Variants in PAK3 observed in about 807,000 individuals in gnomAD.
PAK3 encodes p21 (RAC1) activated kinase 3, also known as serine/threonine-protein kinase PAK 3.
PAK3 carries 4 observed loss-of-function variants against 41.0 expected under a neutral mutation model. The observed-to-expected ratio is 0.10, with a 90% CI of 0.05 to 0.22. PAK3 has a LOEUF of 0.22. Among genes scored for constraint, PAK3 ranks in the 10% least tolerant of loss-of-function variants. PAK3 has a pLI of 1.00. For synonymous variants in PAK3, 146 were observed against 139.6 expected, an observed-to-expected ratio of 1.05 and a Z score of -0.32; for missense variants, 205 against 409.9, an observed-to-expected ratio of 0.50 and a Z score of 4.32.
rs763717339 is a variant in PAK3, at chrX:111,172,954, T to TTC, written c.767-44_767-43dup. The TTC allele has an allele frequency of 7.2e-4, 420 of 580,509 alleles. 1 individual carries two copies. Among genetic ancestry groups the TTC allele is most frequent in the African/African-American group, 1.9e-3 (84 of 43,502 alleles). 47.8% of individuals were successfully genotyped at this position (580,509 alleles called of 1,213,427 possible). ...TAAAAAACAGTCAATCAATTTCTAT[T>TTC]TCTCTCTCTCTCTCTCTCTCTTCCA... On this transcript the variant is annotated intron_variant, in intron 10 of 17. Transcript: ENST00000372007.
chrX:111,123,184 A>C lies in PAK3; in HGVS notation c.81A>C (p.Ala27=). The C allele has an allele frequency of 8.3e-7, 1 of 1,202,185 alleles. No individual in the cohort carries two copies. Among genetic ancestry groups the C allele is most frequent in the Non-Finnish European group, 1.1e-6 (1 of 886,598 alleles). Reference sequence around the variant, plus strand: ...ATAGTAACAACCGGGATTCTTCAGCACTCAACCACAGCTCCAAACCACTTC... The same window carrying C: ...ATAGTAACAACCGGGATTCTTCAGCCCTCAACCACAGCTCCAAACCACTTC... ...RMNSNNRDSS[A]LNHSSKPLPM... The change falls in exon 5 of 18, where the codon GCA becomes GCC. Residue 27 remains alanine, a synonymous_variant. Transcript: ENST00000372007.
intron 1 of PAK3, among the ~76,000 whole-genome samples, chrX:111,039,481 G>A (rs766090472): frequency 9.0e-6 from 1 of 111,706 alleles, no homozygotes; most frequent in Admixed American, 9.5e-5. Flanking sequence ...TTTGGGCAGA[G>A]AATAGCATCC....
intron 1 of PAK3, among the ~76,000 whole-genome samples, chrX:111,064,619 C>G (rs2092686644): frequency 8.9e-6 from 1 of 112,206 alleles, no homozygotes; most frequent in Admixed American, 9.4e-5. Flanking sequence ...CTGCAAAGGA[C>G]ATGATTTCAT....
At chrX:111,034,773 C>T (rs2092376475) in intron 1 of PAK3, among the ~76,000 whole-genome samples, 1 of 110,994 alleles carries the variant, frequency 9.0e-6, no homozygotes, top group Non-Finnish European at 1.9e-5. Context: ...TTAGGCAAGT[C>T]TACTCTTCTC....
intron 1 of PAK3, among the ~76,000 whole-genome samples, chrX:110,982,239 GA>G (rs2091461020): frequency 9.0e-6 from 1 of 111,581 alleles, no homozygotes; most frequent in Non-Finnish European, 1.9e-5. Context: ...AAAATAGAAC[GA>G]TATATTTGAG....
chrX:111,171,588 G>C (rs1429111518), intron 10 of PAK3, among the ~76,000 whole-genome samples: 1 of 111,390 alleles, frequency 9.0e-6, no homozygotes, highest in Non-Finnish European at 1.9e-5. Context: ...TATTTTTAAA[G>C]AGCCAAACAT....
intron 1 of PAK3, among the ~76,000 whole-genome samples, chrX:111,022,781 T>C (rs1011371427): frequency 9.9e-5 from 11 of 111,393 alleles, no homozygotes; most frequent in African/African-American, 3.6e-4. Flanking sequence ...GTTTCTGCTG[T>C]CTTCAGGAGA....
chrX:111,087,372 T>C (rs756695120), intron 1 of PAK3, among the ~76,000 whole-genome samples: 1 of 108,833 alleles, frequency 9.2e-6, no homozygotes, highest in South Asian at 4.1e-4. Flanking sequence ...CAAGTGGTCG[T>C]ATCAAGTGAA....
At chrX:111,172,028 A>G (rs972295454) in intron 10 of PAK3, among the ~76,000 whole-genome samples, 7 of 111,935 alleles carry the variant, frequency 6.3e-5, no homozygotes, top group Non-Finnish European at 1.1e-4. Context: ...TTAGCACTGT[A>G]CTAGGTACAT....
At chrX:111,042,509 G>A (rs2092461366) in intron 1 of PAK3, among the ~76,000 whole-genome samples, 1 of 111,517 alleles carries the variant, frequency 9.0e-6, no homozygotes, top group Non-Finnish European at 1.9e-5. Flanking sequence ...CCTGTACCAC[G>A]GCACAGGCTA....
intron 5 of PAK3, among the ~76,000 whole-genome samples, chrX:111,133,566 A>G (rs945620398): frequency 8.9e-6 from 1 of 112,137 alleles, no homozygotes; most frequent in African/African-American, 3.2e-5. Context: ...ACCTGTCACT[A>G]CAGTGATCCA....
At chrX:110,996,755 T>A (rs190468528) in intron 1 of PAK3, among the ~76,000 whole-genome samples, 80 of 111,637 alleles carry the variant, frequency 7.2e-4, no homozygotes, top group African/African-American at 2.3e-3. Context: ...GGCCTCAGAA[T>A]GAAACTTACC....
At chrX:111,190,121 T>G (rs1052739231) in intron 11 of PAK3, among the ~76,000 whole-genome samples, 2 of 111,607 alleles carry the variant, frequency 1.8e-5, no homozygotes, top group Non-Finnish European at 3.8e-5. Context: ...ATTTCTAGAA[T>G]TATCAAATCC....
intron 11 of PAK3, among the ~76,000 whole-genome samples, chrX:111,186,513 A>G (rs1048563307): frequency 1.8e-4 from 20 of 111,864 alleles, no homozygotes; most frequent in South Asian, 3.8e-4. Context: ...GAGCCAAATC[A>G]TGAGTGAACT....
intron 1 of PAK3, among the ~76,000 whole-genome samples, chrX:110,998,266 A>C (rs1392470271): frequency 8.9e-6 from 1 of 111,997 alleles, no homozygotes; most frequent in Non-Finnish European, 1.9e-5. Flanking sequence ...GTTGAAGTGC[A>C]ACAAGCAAAG....
intron 1 of PAK3, among the ~76,000 whole-genome samples, chrX:111,039,812 T>G (rs1322827375): frequency 1.8e-5 from 2 of 108,542 alleles, no homozygotes; most frequent in African/African-American, 6.7e-5. Context: ...TGTGAGCACA[T>G]AGGTGAAGGA....
chrX:110,945,794 A>G (rs1872257870), intron 1 of PAK3, among the ~76,000 whole-genome samples: 1 of 111,693 alleles, frequency 9.0e-6, no homozygotes, highest in African/African-American at 3.3e-5. Flanking sequence ...TCAAAGAAAG[A>G]AGAGGTCAAT....
At chrX:111,064,351 A>G (rs1365798346) in intron 1 of PAK3, among the ~76,000 whole-genome samples, 2 of 110,435 alleles carry the variant, frequency 1.8e-5, no homozygotes, top group Non-Finnish European at 3.8e-5. Context: ...TTATCTGGGT[A>G]TATTCTGTGA....
chrX:111,215,623 T>A (rs777003021), intron 16 of PAK3, among the ~76,000 whole-genome samples: 12 of 112,326 alleles, frequency 1.1e-4, no homozygotes, highest in African/African-American at 3.9e-4. Context: ...ACTAGAGACA[T>A]TGATTCTCTC....
Sources: allele counts gnomAD v4.1 joint callset (sites outside exome capture counted in the v4.1 genomes callset), GRCh38; gene constraint gnomAD v4.1.1; transcripts MANE v1.5; gene names NCBI Gene and HGNC (gene_info 2026-07-23, HGNC 2026-07-21).